KNG1: variants seen among roughly 807,000 people sequenced by gnomAD.
KNG1 encodes the protein kininogen-1.
Under a neutral mutation model 47.8 loss-of-function variants are expected in KNG1, and 23 were observed. The ratio of observed to expected loss-of-function variants is 0.48; its 90% CI spans 0.35 to 0.68. The LOEUF is 0.68. KNG1 is among the 30% of genes least tolerant of loss of function. KNG1 has a pLI of 0.01. For missense variants in KNG1, 762 were observed against 790.2 expected (o/e 0.96, Z 0.43); for synonymous variants, 277 against 277.0 (o/e 1.00, Z 0.00).
chr3:186,742,175 A>G lies in KNG1; in HGVS notation c.1779A>G (p.Ile593Met), dbSNP rs568222574. The G allele has an allele frequency of 1.9e-6, 3 of 1,614,222 alleles. No individual in the cohort carries two copies. The highest frequency in any genetic ancestry group is 2.5e-6 in the Non-Finnish European group (3 of 1,180,030). Residue 593 changes from isoleucine (I) to methionine (M), a missense_variant, in exon 10 of 10, where the codon ATA (isoleucine) becomes ATG (methionine). Physicochemically the swap from Ile to Met is conservative, Grantham distance 10 (BLOSUM62 1). Coordinates refer to ENST00000644859, the MANE Select transcript of KNG1 (RefSeq NM_001102416.3). ...SDDDWIPDIQIDPNGLSFNPI... is the reference protein window; with the variant it reads ...SDDDWIPDIQMDPNGLSFNPI... ...ACGATTGGATCCCTGATATCCAGAT[A>G]GACCCAAATGGCCTTTCATTTAACC...
chr3:186,740,982 T>TG (rs1720795154), intron 9 of KNG1, among the ~76,000 whole-genome samples: 1 of 149,538 alleles, frequency 6.7e-6, no homozygotes. Flanking sequence ...TTTGTTTTTT[T>TG]TTTGTTGTTG....
chr3:186,738,833 C>T (rs1233110211), intron 7 of KNG1: 11 of 357,598 alleles, frequency 3.1e-5, no homozygotes, highest in Admixed American at 1.3e-4. Context: ...GCAACAAGAG[C>T]GAAACTCCAT....
At position 186,739,359 on chromosome 3, in the gene KNG1, T is replaced by G. The variant is rs1301491890; in HGVS notation, c.1070T>G (p.Val357Gly). Reference sequence around the variant, plus strand: ...CTAGATTGCAACGCTGAAGTTTATGTGGTACCCTGGGAGAAAAAAATTTAC... The same window carrying G: ...CTAGATTGCAACGCTGAAGTTTATGGGGTACCCTGGGAGAAAAAAATTTAC... ...QSLDCNAEVY[V>G]VPWEKKIYPT... Residue 357 changes from valine to glycine, a missense_variant, in exon 9 of 10, where the codon GTG becomes GGG. Coordinates refer to ENST00000644859, the MANE Select transcript of KNG1 (RefSeq NM_001102416.3). 7 of 1,613,942 alleles carry G rather than the reference T, an allele frequency of 4.3e-6. 1 individual carries two copies. The Admixed American group carries it at 1.2e-4, about 27-fold the overall frequency.
rs140167716 is a variant in KNG1, at chr3:186,731,550, C to T, written c.678C>T (p.Thr226=). Residue 226 remains threonine, a synonymous_variant, in exon 6 of 10, where the codon ACC becomes ACT. Coordinates refer to ENST00000644859, the MANE Select transcript of KNG1 (RefSeq NM_001102416.3). ...PDCKSLWNGD[T]GECTDNAYID... ...ATATGCTTTTTAAAAACCAGGATAC[C>T]GGTGAATGTACAGATAATGCATACA... 2.1e-5 allele frequency: 34 copies of T among 1,603,086 alleles called. No individual in the cohort carries two copies. The African/African-American group carries it at 3.6e-4, about 17-fold the overall frequency.
In KNG1 at chr3:186,725,543, A is replaced by ATTTTTTT. The variant is rs71167003; in HGVS notation, c.564+296_564+302dup. On this transcript the variant is annotated intron_variant, in intron 4 of 9. Transcript: ENST00000644859. ...AAGGAAAAGTCATACCGGCCTTAGG[A>ATTTTTTT]TTTTTTTTTTTTTTTTTTTGAGACA... 1.6e-4 allele frequency among the ~76,000 whole-genome samples: 14 copies of ATTTTTTT among 87,714 alleles called. 2 individuals carry two copies. The highest frequency in any genetic ancestry group is 5.1e-4 in the African/African-American group (11 of 21,500). The allele number at this position is 87,714 out of a possible 152,430, so 57.5% of individuals were successfully genotyped here. A position where few individuals can be genotyped will look rare whatever the true frequency, so the allele number is the denominator to read the frequency against.
intron 7 of KNG1, among the ~76,000 whole-genome samples, chr3:186,733,517 G>A (rs548260190): frequency 5.3e-5 from 8 of 152,128 alleles, no homozygotes; most frequent in African/African-American, 1.9e-4. Context: ...CTCCTTTCAT[G>A]CCCTATCAAT....
rs571200358 is a variant in KNG1, at chr3:186,727,015, G to A, written c.565-222G>A. Among the ~76,000 whole-genome samples the A allele has an allele frequency of 5.7e-5, 6 of 104,468 alleles. No individual in the cohort carries two copies. In the South Asian group the frequency reaches 2.5e-3, roughly 43 times the overall value. 68.5% of individuals were successfully genotyped at this position (104,468 alleles called of 152,430 possible). ...TGCTTGTCATTTTCAGATGGCTAGCGGTGTATGTGTGTGTGTGTGTGTGTG... is the reference window on the plus strand; with the variant it reads ...TGCTTGTCATTTTCAGATGGCTAGCAGTGTATGTGTGTGTGTGTGTGTGTG... On this transcript the variant is annotated intron_variant, in intron 4 of 9. Transcript: ENST00000644859.
intron 9 of KNG1, among the ~76,000 whole-genome samples, chr3:186,739,965 T>C (rs1243627771): frequency 6.6e-6 from 1 of 151,938 alleles, no homozygotes; most frequent in Non-Finnish European, 1.5e-5. Flanking sequence ...GGAGAATCCC[T>C]TGAACCCAGG....
chr3:186,739,084 TA>T lies in KNG1; in HGVS notation c.931-13del, dbSNP rs761749283. ...ATATTTTTAAGCGTTTACTTTGTAC[TA>T]ATTAATTTTTCAGGTGGTGGCTGGC... On this transcript the variant is annotated splice_polypyrimidine_tract_variant and intron_variant, in intron 7 of 9. Transcript: ENST00000644859. 5.7e-6 allele frequency: 9 copies of T among 1,577,186 alleles called. No homozygotes were observed. Among genetic ancestry groups the T allele is most frequent in the Middle Eastern group, 1.7e-4 (1 of 5,976 alleles).
chr3:186,725,543 A>ATTTTTTTTGTTTTTTTTTTTTTTTTTT (rs1720337426), intron 4 of KNG1, among the ~76,000 whole-genome samples: 1 of 87,726 alleles, frequency 1.1e-5, no homozygotes, highest in African/African-American at 4.7e-5. Flanking sequence ...CGGCCTTAGG[A>ATTTTTTTTGTTTTTTTTTTTTTTTTTT]TTTTTTTTTT....
chr3:186,724,957 CG>C (rs1720311655), intron 3 of KNG1, 130 bp from the exon 4 acceptor site: 13 of 868,802 alleles, frequency 1.5e-5, no homozygotes, highest in Middle Eastern at 6.9e-4. Flanking sequence ...GCGATCTGCC[CG>C]CCTCAGCCTC....
chr3:186,737,610 G>A (rs1244462710), intron 7 of KNG1, among the ~76,000 whole-genome samples: 3 of 152,064 alleles, frequency 2.0e-5, no homozygotes, highest in Non-Finnish European at 4.4e-5. Flanking sequence ...AGGCTTGAGT[G>A]TAGTGGCGTG....
chr3:186,731,499 TA>T, intron 5 of KNG1, 45 bp from the exon 6 acceptor site: 2 of 1,165,706 alleles, frequency 1.7e-6, no homozygotes, highest in Non-Finnish European at 2.6e-6. Flanking sequence ...TTTAAGACTC[TA>T]AAAAATGTTT....
chr3:186,744,056 T>C lies in KNG1; in HGVS notation c.*1725T>C. 4 of 497,864 alleles carry C rather than the reference T, an allele frequency of 8.0e-6. No individual in the cohort carries two copies. The highest frequency in any genetic ancestry group is 1.5e-5 in the Non-Finnish European group (4 of 272,764). 30.8% of individuals were successfully genotyped at this position (497,864 alleles called of 1,614,324 possible). The stretch of plus-strand genomic sequence containing the variant: ...GCCATGGAGGCTCATAACCCAACAC[T>C]GGAACATTCCCTAGCCAAGGCAGAA... On this transcript the variant is annotated 3_prime_UTR_variant, in exon 10 of 10. Coordinates refer to ENST00000644859, the MANE Select transcript of KNG1 (RefSeq NM_001102416.3).
intron 9 of KNG1, among the ~76,000 whole-genome samples, chr3:186,740,117 A>G (rs1420339752): frequency 6.6e-6 from 1 of 152,122 alleles, no homozygotes; most frequent in East Asian, 1.9e-4. Context: ...AATTTTAACC[A>G]GATCCCCAGG....
At chr3:186,722,892 C>T (rs1720247068) in intron 3 of KNG1, among the ~76,000 whole-genome samples, 1 of 152,190 alleles carries the variant, frequency 6.6e-6, no homozygotes, top group Non-Finnish European at 1.5e-5. Flanking sequence ...CTTCTTGCCT[C>T]TCCTTTTCCT....
chr3:186,719,600 G>A (rs1720126938), intron 1 of KNG1, among the ~76,000 whole-genome samples: 2 of 152,060 alleles, frequency 1.3e-5, no homozygotes, highest in Admixed American at 6.6e-5. Context: ...GTGGTGGAGG[G>A]CGCCTGTAGT....
chr3:186,734,356 T>G (rs1386882615), intron 7 of KNG1, among the ~76,000 whole-genome samples: 1 of 152,198 alleles, frequency 6.6e-6, no homozygotes, highest in Admixed American at 6.5e-5. Flanking sequence ...AAAAGCATCT[T>G]TGTGCGGAGC....
chr3:186,739,375 A>G lies in KNG1; in HGVS notation c.1086A>G (p.Lys362=). The G allele has an allele frequency of 6.2e-7, 1 of 1,613,956 alleles. No homozygotes were observed. The highest frequency in any genetic ancestry group is 8.5e-7 in the Non-Finnish European group (1 of 1,179,796). ...AAGTTTATGTGGTACCCTGGGAGAA[A>G]AAAATTTACCCTACTGTCAACTGTC... ...NAEVYVVPWE[K]KIYPTVNCQP... The change falls in exon 9 of 10, where the codon AAA becomes AAG. Residue 362 remains lysine (K), a synonymous_variant. Coordinates refer to ENST00000644859, the MANE Select transcript of KNG1 (RefSeq NM_001102416.3).
Sources: allele counts gnomAD v4.1 joint callset (sites outside exome capture counted in the v4.1 genomes callset), GRCh38; gene constraint gnomAD v4.1.1; transcripts MANE v1.5; gene names NCBI Gene and HGNC (gene_info 2026-07-23, HGNC 2026-07-21).